The following MSANTD2 variants were observed in gnomAD, a reference collection of about 807,000 sequenced individuals.
The protein encoded by MSANTD2 is myb/SANT-like DNA-binding domain-containing protein 2.
Under a neutral mutation model 52.6 loss-of-function variants are expected in MSANTD2, and 19 were observed. That is an observed-to-expected ratio of 0.36 (90% CI 0.25 to 0.53). The LOEUF is 0.53. MSANTD2 is among the 20% of genes least tolerant of loss of function. The pLI, the probability that MSANTD2 is intolerant of heterozygous loss-of-function variation, is 0.91. For synonymous variants in MSANTD2, 291 were observed against 289.7 expected, an observed-to-expected ratio of 1.00 and a Z score of -0.04; for missense variants, 558 against 716.3, an observed-to-expected ratio of 0.78 and a Z score of 2.52.
chr11:124,791,543 G>A lies in MSANTD2; in HGVS notation c.510+8328C>T. 7 of 1,185,716 alleles carry A rather than the reference G, an allele frequency of 5.9e-6. No individual in the cohort carries two copies. In the East Asian group the frequency reaches 1.2e-4, roughly 20 times the overall value. The allele number at this position is 1,185,716 out of a possible 1,614,324, so 73.4% of individuals were successfully genotyped here. ...ATAAATGAAACGACAGAAGGGTGCA[G>A]ACAGAAGGGTCACCAATGTGACCCT... On this transcript the variant is annotated intron_variant, in intron 1 of 3. Transcript: ENST00000374979.
intron 1 of MSANTD2, among the ~76,000 whole-genome samples, chr11:124,786,525 G>A (rs1275584195): frequency 1.3e-5 from 2 of 152,244 alleles, no homozygotes; most frequent in East Asian, 3.9e-4. Context: ...TTGTGTTTCT[G>A]CTCCTATAAT....
chr11:124,782,880 CT>C (rs1434049088), intron 1 of MSANTD2, among the ~76,000 whole-genome samples: 1 of 152,126 alleles, frequency 6.6e-6, no homozygotes, highest in African/African-American at 2.4e-5. Context: ...ATCAATGAAT[CT>C]TGATGGGCGG....
At chr11:124,796,156 A>G (rs1189435965) in intron 1 of MSANTD2, among the ~76,000 whole-genome samples, 4 of 152,212 alleles carry the variant, frequency 2.6e-5, no homozygotes, top group Non-Finnish European at 5.9e-5. Flanking sequence ...TAAATTATTA[A>G]TTCAATTTCA....
chr11:124,793,380 C>T (rs1199742942), intron 1 of MSANTD2, among the ~76,000 whole-genome samples: 1 of 152,134 alleles, frequency 6.6e-6, no homozygotes, highest in Non-Finnish European at 1.5e-5. Flanking sequence ...CTGCTAACCT[C>T]GTATAAATTT....
chr11:124,775,237 C>A (rs530193608), intron 1 of MSANTD2: 2 of 318,638 alleles, frequency 6.3e-6, no homozygotes, highest in Admixed American at 4.6e-5. Flanking sequence ...TTGCATGTAC[C>A]CCATACACAT....
intron 3 of MSANTD2, among the ~76,000 whole-genome samples, chr11:124,771,912 TA>T (rs1049833648): frequency 6.6e-5 from 10 of 151,924 alleles, no homozygotes; most frequent in African/African-American, 1.7e-4. Flanking sequence ...GGTTAACAGG[TA>T]AAAAAAATGA....
At position 124,781,687 on chromosome 11, in the gene MSANTD2, C is replaced by G. The variant is rs939811017; in HGVS notation, c.511-6713G>C. Among the ~76,000 whole-genome samples, 17 of 145,786 alleles carry G rather than the reference C, an allele frequency of 1.2e-4. No individual in the cohort carries two copies. In the South Asian group the frequency reaches 3.7e-3, roughly 31 times the overall value. ...TTTTTTTTTGAGACAGATTCTCGCT[C>G]TGTCGCCTAGGCTGGAGTGCAGTGG... On this transcript the variant is annotated intron_variant, in intron 1 of 3. Coordinates refer to ENST00000374979, the MANE Select transcript of MSANTD2 (RefSeq NM_001308027.2).
intron 1 of MSANTD2, among the ~76,000 whole-genome samples, chr11:124,795,875 G>A (rs1178337878): frequency 6.6e-6 from 1 of 152,028 alleles, no homozygotes; most frequent in Non-Finnish European, 1.5e-5. Flanking sequence ...AATTGGGCTG[G>A]AATTGTTAGT....
chr11:124,791,820 T>C, intron 1 of MSANTD2: 1 of 513,860 alleles, frequency 1.9e-6, no homozygotes, highest in Non-Finnish European at 3.6e-6. Flanking sequence ...GCAGGTATTG[T>C]GTTAGGTGCA....
rs1296406363 is a variant in MSANTD2, at chr11:124,779,716, G to A, written c.511-4742C>T. Among the ~76,000 whole-genome samples the A allele has an allele frequency of 6.6e-6, 1 of 152,186 alleles. No individual in the cohort carries two copies. Among genetic ancestry groups the A allele is most frequent in the African/African-American group, 2.4e-5 (1 of 41,432 alleles). ...ACAGATTTTCAAATGTAGCTGTCAA[G>A]CTGGCCACACTGGAAATGGATTACA... On this transcript the variant is annotated intron_variant, in intron 1 of 3. Coordinates refer to ENST00000374979, the MANE Select transcript of MSANTD2 (RefSeq NM_001308027.2). This position sits in a 1 kb window ranked among gnomAD's most constrained non-coding sequence, Gnocchi z 4.6.
chr11:124,773,294 G>A (rs908337839), intron 2 of MSANTD2: 2 of 315,412 alleles, frequency 6.3e-6, no homozygotes, highest in Admixed American at 5.0e-5. Flanking sequence ...GGTCACCAGT[G>A]GATTTCTAGC....
In MSANTD2 at chr11:124,767,631, G is replaced by C; in HGVS notation, c.1225C>G (p.Gln409Glu). 1 of 1,614,154 alleles carries C rather than the reference G, an allele frequency of 6.2e-7. No individual in the cohort carries two copies. ...HSKPTGGNVV[Q>E]YLLPGGIPKS... ...GGAATACCCCCAGGCAATAAATATT[G>C]AACAACATTCCCACCAGTTGGTTTG... The change falls in exon 4 of 4, where the codon CAA becomes GAA. Residue 409 changes from glutamine (Q) to glutamate (E), a missense_variant. Transcript: ENST00000374979. This position sits in a 1 kb window ranked among gnomAD's most constrained non-coding sequence, Gnocchi z 6.5.
intron 1 of MSANTD2, among the ~76,000 whole-genome samples, chr11:124,796,049 T>C (rs567538412): frequency 4.1e-4 from 62 of 152,288 alleles, no homozygotes; most frequent in Non-Finnish European, 7.5e-4. Flanking sequence ...ATAAACAAAT[T>C]TTCATATCTG....
intron 1 of MSANTD2, chr11:124,784,227 A>G (rs941280117): frequency 5.1e-6 from 5 of 985,214 alleles, no homozygotes; most frequent in Non-Finnish European, 6.0e-6. Flanking sequence ...GACCTCCTAC[A>G]TCACCTCTGA....
chr11:124,767,639 T>C lies in MSANTD2; in HGVS notation c.1217A>G (p.Asn406Ser). The C allele has an allele frequency of 6.2e-7, 1 of 1,614,206 alleles. No homozygotes were observed. Among genetic ancestry groups the C allele is most frequent in the Non-Finnish European group, 8.5e-7 (1 of 1,180,022 alleles). The change falls in exon 4 of 4, where the codon AAT (asparagine) becomes AGT (serine). Residue 406 changes from asparagine to serine, a missense_variant. Asn to Ser is a conservative substitution (Grantham distance 46, BLOSUM62 1). Around this residue, in one of 2 missense-constraint regions of MSANTD2, gnomAD observed 408 missense variants for 573.6 expected, o/e 0.71. Coordinates refer to ENST00000374979, the MANE Select transcript of MSANTD2 (RefSeq NM_001308027.2). The surrounding 1 kb of genome is among the most constrained non-coding windows in gnomAD (Gnocchi z 6.5). ...PIAHSKPTGG[N>S]VVQYLLPGGI... ...CCCAGGCAATAAATATTGAACAACA[T>C]TCCCACCAGTTGGTTTGGAGTGGGC...
At position 124,799,898 on chromosome 11, in the gene MSANTD2, G is replaced by C. The variant is rs1254353482; in HGVS notation, c.483C>G (p.Thr161=). ...TGATGCGCTCCCGGCACTGGGACGG[G>C]GTCCGCTCGTAGCCCAGCTCGGCCA... ...RALAELGYER[T]PSQCRERIKT... is the part of the protein sequence containing the mutation. Residue 161 remains threonine, a synonymous_variant, in exon 1 of 4, where the codon ACC becomes ACG. Transcript: ENST00000374979. 6.3e-7 allele frequency: 1 copy of C among 1,584,424 alleles called. No homozygotes were observed. The highest frequency in any genetic ancestry group is 1.4e-5 in the African/African-American group (1 of 73,616).
chr11:124,791,872 G>C (rs1330487969), intron 1 of MSANTD2: 1 of 420,262 alleles, frequency 2.4e-6, no homozygotes, highest in African/African-American at 2.0e-5. Context: ...TACAGCTGGA[G>C]TGTCTGCCTT....
chr11:124,799,797 C>T, intron 1 of MSANTD2, 74 bp downstream of exon 1: 1 of 1,172,246 alleles, frequency 8.5e-7, no homozygotes, highest in Non-Finnish European at 1.2e-6. Context: ...TCAGACCGGC[C>T]CCCGCCCCCG....
At chr11:124,768,495 C>A (rs952848680) in intron 3 of MSANTD2, among the ~76,000 whole-genome samples, 1 of 152,126 alleles carries the variant, frequency 6.6e-6, no homozygotes. Context: ...AAGTATCTGG[C>A]GTCACTTAAA....
Sources: gnomAD v4.1 joint callset for allele counts (sites outside exome capture counted in the v4.1 genomes callset) on GRCh38, gnomAD v4.1.1 for gene constraint, gnomAD v4.1.1 regional missense constraint, Gnocchi (gnomAD v3.1) non-coding constraint, MANE v1.5 for transcripts, NCBI Gene and HGNC (gene_info 2026-07-23, HGNC 2026-07-21) for gene names.